PHLDB3: variants seen among roughly 807,000 people sequenced by gnomAD.
The protein encoded by PHLDB3 is pleckstrin homology like domain family B member 3.
PHLDB3 carries 86 observed loss-of-function variants against 85.7 expected under a neutral mutation model. The observed-to-expected ratio is 1.00, with a 90% CI of 0.84 to 1.20. The LOEUF is 1.20. PHLDB3 is among the 50% of genes most tolerant of loss of function. PHLDB3 has a pLI of 0.00. For missense variants in PHLDB3, 995 were observed against 873.0 expected, an observed-to-expected ratio of 1.14 and a Z score of -1.76; for synonymous variants, 376 against 349.8, an observed-to-expected ratio of 1.07 and a Z score of -0.83.
intron 15 of PHLDB3, among the ~76,000 whole-genome samples, chr19:43,476,101 T>C (rs1970922382): frequency 1.3e-5 from 2 of 152,038 alleles, no homozygotes; most frequent in Non-Finnish European, 2.9e-5. Flanking sequence ...GGCCGAGAAA[T>C]TTAAAAGTAG....
chr19:43,502,998 GAT>G (rs1971652848), intron 2 of PHLDB3, among the ~76,000 whole-genome samples: 1 of 151,924 alleles, frequency 6.6e-6, no homozygotes, highest in Non-Finnish European at 1.5e-5. Flanking sequence ...CTGTCCACTA[GAT>G]CTGTCCACTA....
At chr19:43,492,243 G>A (rs1485917635) in intron 9 of PHLDB3, among the ~76,000 whole-genome samples, 1 of 151,024 alleles carries the variant, frequency 6.6e-6, no homozygotes, top group Non-Finnish European at 1.5e-5. Context: ...GAGCCACCGC[G>A]CCCAGCCAAT....
intron 6 of PHLDB3, chr19:43,496,430 C>A (rs1221892459): frequency 6.6e-6 from 1 of 152,136 alleles, no homozygotes; most frequent in Non-Finnish European, 1.5e-5. Context: ...CAGGAAGGAT[C>A]TGATGAAGCA....
At chr19:43,499,134 G>A (rs1160580680) in intron 4 of PHLDB3, among the ~76,000 whole-genome samples, 1 of 152,158 alleles carries the variant, frequency 6.6e-6, no homozygotes, top group Non-Finnish European at 1.5e-5. Context: ...GCTGGGGCCT[G>A]GGCGGTGGGG....
chr19:43,482,311 TCA>T (rs1188930900), intron 13 of PHLDB3, among the ~76,000 whole-genome samples: 1 of 152,138 alleles, frequency 6.6e-6, no homozygotes, highest in Admixed American at 6.6e-5. Context: ...ACCAGGGTTA[TCA>T]CAGCACTCTC....
At position 43,486,644 on chromosome 19, in the gene PHLDB3, C is replaced by T. The variant is rs200233313; in HGVS notation, c.1393G>A (p.Ala465Thr). ...IAHMERLLQQ[A>T]MAERERLLKA... ...AGCAGCCGCTCCCTCTCCGCCATGG[C>T]CTGCTGCAGGAGCCGCTCCATGTGG... Residue 465 changes from alanine to threonine, a missense_variant, in exon 12 of 16, where the codon GCC becomes ACC. Ala to Thr is a moderately conservative substitution (Grantham distance 58). Coordinates refer to ENST00000292140, the MANE Select transcript of PHLDB3 (RefSeq NM_198850.4). 1,383 of 1,613,908 alleles carry T rather than the reference C, an allele frequency of 8.6e-4. 2 individuals carry two copies. The highest frequency in any genetic ancestry group is 1.1e-3 in the Non-Finnish European group (1,299 of 1,179,848).
At chr19:43,496,297 G>A (rs914713792) in intron 6 of PHLDB3, 1 of 152,160 alleles carries the variant, frequency 6.6e-6, no homozygotes. Flanking sequence ...TTACAGGAGT[G>A]AGCCACCGAG....
intron 13 of PHLDB3, among the ~76,000 whole-genome samples, chr19:43,482,123 A>G (rs1971061477): frequency 6.6e-6 from 1 of 152,200 alleles, no homozygotes; most frequent in Non-Finnish European, 1.5e-5. Flanking sequence ...TAGACAGATC[A>G]AGAAACTGAG....
At chr19:43,491,768 G>A (rs1599948345) in intron 9 of PHLDB3, among the ~76,000 whole-genome samples, 1 of 150,820 alleles carries the variant, frequency 6.6e-6, no homozygotes, top group Non-Finnish European at 1.5e-5. Flanking sequence ...CCAGGTTCAA[G>A]CAATTCTCCT....
At chr19:43,478,268 A>G (rs2122454370) in intron 14 of PHLDB3, 136 bp from the exon 15 acceptor site, 1 of 616,490 alleles carries the variant, frequency 1.6e-6, no homozygotes, top group East Asian at 2.9e-5. Context: ...GAAGGTCTCT[A>G]AAGGTTGGGA....
intron 9 of PHLDB3, 71 bp from the exon 10 acceptor site, chr19:43,487,194 G>A (rs1325469504): frequency 3.9e-6 from 5 of 1,273,660 alleles, no homozygotes; most frequent in Middle Eastern, 1.8e-4. Flanking sequence ...GCACTGCCCA[G>A]TGAAGCCACC....
rs1971182312 is a variant in PHLDB3, at chr19:43,487,016, A to G, written c.1249+8T>C. 6.5e-7 allele frequency: 1 copy of G among 1,544,910 alleles called. No individual in the cohort carries two copies. Among genetic ancestry groups the G allele is most frequent in the Non-Finnish European group, 8.7e-7 (1 of 1,148,422 alleles). The stretch of plus-strand genomic sequence containing the variant: ...TGGGAAGGAAGTGGGGAACAGGGGG[A>G]TCCTCACCAGTACAATGGAAGGACA... On this transcript the variant is annotated splice_region_variant and intron_variant, in intron 10 of 15. Transcript: ENST00000292140.
At chr19:43,479,985 C>T (rs1043922346) in intron 13 of PHLDB3, among the ~76,000 whole-genome samples, 4 of 151,802 alleles carry the variant, frequency 2.6e-5, no homozygotes, top group South Asian at 2.1e-4. Context: ...AAATAAAGAT[C>T]GGGCCGGGTG....
chr19:43,487,061 CT>C lies in PHLDB3; in HGVS notation c.1211del (p.Gln404ArgfsTer37). The part of the protein sequence containing the change: ...LPRKRGERGS[Q>X]RGSPRPLSFH... The stretch of plus-strand genomic sequence containing the variant: ...AGGACAGAGGTCGGGGGGATCCTCT[CT>C]GGCTCCCCCTCTCCCCCCTTTTCCG... On this transcript the variant is annotated frameshift_variant, in exon 10 of 16. Transcript: ENST00000292140. LOFTEE classifies it high-confidence loss of function. 6.3e-7 allele frequency: 1 copy of C among 1,578,880 alleles called. No homozygotes were observed. The highest frequency in any genetic ancestry group is 8.6e-7 in the Non-Finnish European group (1 of 1,163,530).
intron 13 of PHLDB3, among the ~76,000 whole-genome samples, chr19:43,482,287 C>A (rs1470992511): frequency 8.5e-5 from 13 of 152,136 alleles, no homozygotes; most frequent in African/African-American, 3.1e-4. Context: ...AGCCTCAGTT[C>A]CCTATGCTAA....
At position 43,479,492 on chromosome 19, in the gene PHLDB3, C is replaced by T. The variant is rs2122463351; in HGVS notation, c.1587G>A (p.Gln529=). The T allele has an allele frequency of 6.4e-7, 1 of 1,556,574 alleles. No individual in the cohort carries two copies. The highest frequency in any genetic ancestry group is 1.4e-5 in the African/African-American group (1 of 73,218). Residue 529 remains glutamine, a synonymous_variant, in exon 14 of 16, where the codon CAG becomes CAA. Transcript: ENST00000292140. The part of the protein sequence containing the change: ...GHNPENCPHV[Q]VSGCCCRGPL... The stretch of plus-strand genomic sequence containing the variant: ...GTCCACGGCAGCAGCACCCAGACAC[C>T]TGCACATGTGGGCAGTTTTCCGGGT...
intron 4 of PHLDB3, among the ~76,000 whole-genome samples, 151 bp from the exon 5 acceptor site, chr19:43,498,027 C>G (rs190663429): frequency 6.6e-6 from 1 of 152,254 alleles, no homozygotes; most frequent in Admixed American, 6.5e-5. Context: ...GCCTCACAGT[C>G]AGCACCAAGA....
In PHLDB3 at chr19:43,502,136, C is replaced by T. The variant is rs1479099739; in HGVS notation, c.361G>A (p.Glu121Lys). 6.3e-7 allele frequency: 1 copy of T among 1,580,344 alleles called. No individual in the cohort carries two copies. Among genetic ancestry groups the T allele is most frequent in the Non-Finnish European group, 8.6e-7 (1 of 1,163,720 alleles). The change falls in exon 3 of 16, where the codon GAG (glutamate) becomes AAG (lysine). Residue 121 changes from glutamate to lysine, a missense_variant. Glu to Lys is a moderately conservative substitution (Grantham distance 56, BLOSUM62 1). Transcript: ENST00000292140. ...RVALMEQRVK[E>K]LQRQRKELRI... is the part of the protein sequence containing the mutation. ...AGCTCCTTCCTCTGGCGCTGTAGCT[C>T]CTTCACTCGCTGCTCCATCAGGGCC...
chr19:43,479,804 G>A (rs1971006493), intron 13 of PHLDB3, among the ~76,000 whole-genome samples: 1 of 152,086 alleles, frequency 6.6e-6, no homozygotes, highest in African/African-American at 2.4e-5. Flanking sequence ...CAGCTCCTTG[G>A]CACTTCATGG....
Sources: gnomAD v4.1 joint callset for allele counts (sites outside exome capture counted in the v4.1 genomes callset) on GRCh38, gnomAD v4.1.1 for gene constraint, MANE v1.5 for transcripts, NCBI Gene and HGNC (gene_info 2026-07-23, HGNC 2026-07-21) for gene names.